The following TNFRSF10D variants were observed in gnomAD, a reference collection of about 807,000 sequenced individuals.
TNFRSF10D encodes tumor necrosis factor receptor superfamily member 10D.
A neutral mutation model predicts 42.1 loss-of-function variants in TNFRSF10D; 28 were observed. The ratio of observed to expected loss-of-function variants is 0.66; its 90% confidence interval spans 0.49 to 0.91. The LOEUF is 0.91. Among genes scored for constraint, TNFRSF10D ranks in the 40% least tolerant of loss-of-function variants. The pLI, the probability that TNFRSF10D is intolerant of heterozygous loss-of-function variation, is 0.00. For synonymous variants in TNFRSF10D, 186 were observed against 189.4 expected (o/e 0.98, Z 0.15); for missense variants, 503 against 486.1 (o/e 1.03, Z -0.33).
At chr8:23,147,113 A>G in intron 3 of TNFRSF10D, 41 bp from the exon 4 acceptor site, 1 of 1,563,328 alleles carries the variant, frequency 6.4e-7, no homozygotes, top group East Asian at 2.2e-5. Flanking sequence ...TGTTTCCCTG[A>G]CATGTCTGTC....
chr8:23,154,546 T>G (rs1271822073), intron 2 of TNFRSF10D, among the ~76,000 whole-genome samples: 2 of 152,238 alleles, frequency 1.3e-5, no homozygotes, highest in Non-Finnish European at 2.9e-5. Context: ...TATTGACATG[T>G]TATCATTTTC....
intron 7 of TNFRSF10D, among the ~76,000 whole-genome samples, chr8:23,141,604 C>T (rs186151908): frequency 1.7e-3 from 256 of 150,692 alleles, no homozygotes; most frequent in African/African-American, 5.4e-3. Context: ...ATTCAGGAGC[C>T]ATATGCAACT....
intron 1 of TNFRSF10D, among the ~76,000 whole-genome samples, chr8:23,159,306 G>A (rs1800329020): frequency 6.6e-6 from 1 of 152,048 alleles, no homozygotes; most frequent in Admixed American, 6.6e-5. Flanking sequence ...AAAACAGCAG[G>A]CGCAATAAGA....
chr8:23,137,067 C>T lies in TNFRSF10D; in HGVS notation c.*803G>A, dbSNP rs1466607146. 6.6e-6 allele frequency: 1 copy of T among 152,108 alleles called. No individual in the cohort carries two copies. Among genetic ancestry groups the T allele is most frequent in the African/African-American group, 2.4e-5 (1 of 41,414 alleles). 9.4% of individuals were successfully genotyped at this position (152,108 alleles called of 1,614,324 possible). A position where few individuals can be genotyped will look rare whatever the true frequency, so the allele number is the denominator to read the frequency against. ...ATTTCCTAAAGTTTTTCCATGTTTA[C>T]ATCATTATACAAAAATCGGAAAAGA... On this transcript the variant is annotated 3_prime_UTR_variant, in exon 9 of 9. Transcript: ENST00000312584.
intron 7 of TNFRSF10D, among the ~76,000 whole-genome samples, chr8:23,144,151 C>T (rs2128836391): frequency 6.6e-6 from 1 of 152,348 alleles, no homozygotes; most frequent in Admixed American, 6.5e-5. Flanking sequence ...TAGGAGCACA[C>T]GATGGAGACT....
chr8:23,144,598 G>A lies in TNFRSF10D; in HGVS notation c.806C>T (p.Pro269Leu). Residue 269 changes from proline (P) to leucine (L), a missense_variant, in exon 7 of 9, where the codon CCT becomes CTT. Physicochemically the swap from Pro to Leu is moderately conservative, Grantham distance 98. Coordinates refer to ENST00000312584, the MANE Select transcript of TNFRSF10D (RefSeq NM_003840.5). ...FRRRSCPSRV[P>L]GAEDNARNET... ...GTTGCGGGCATTGTCCTCCGCCCCA[G>A]GAACTCGTGAAGGACATGAACGCCG... 2 of 1,614,176 alleles carry A rather than the reference G, an allele frequency of 1.2e-6. No homozygotes were observed. The highest frequency in any genetic ancestry group is 2.2e-5 in the East Asian group (1 of 44,880).
At chr8:23,154,327 T>C (rs371597398) in intron 2 of TNFRSF10D, among the ~76,000 whole-genome samples, 909 of 152,200 alleles carry the variant, frequency 6.0e-3, no homozygotes, top group African/African-American at 0.019. Context: ...ATTAAAACAA[T>C]GTGTTGTACA....
At chr8:23,157,420 C>T (rs897544419) in intron 1 of TNFRSF10D, among the ~76,000 whole-genome samples, 2 of 152,236 alleles carry the variant, frequency 1.3e-5, no homozygotes, top group Admixed American at 6.5e-5. Flanking sequence ...CTTCCAGTCT[C>T]GTTTCATTAA....
chr8:23,137,993 C>T lies in TNFRSF10D; in HGVS notation c.1038G>A (p.Leu346=), dbSNP rs771299446. 6.2e-7 allele frequency: 1 copy of T among 1,614,136 alleles called. No homozygotes were observed. The highest frequency in any genetic ancestry group is 1.1e-5 in the South Asian group (1 of 91,076). ...CTTCCAGTGTTGCCGAGGCATCCAG[C>T]AAGGTGCTGACTGAGAAGAGAGAAG... ...NDADSADIST[L]LDASATLEEG... is the part of the protein sequence containing the mutation. The change falls in exon 9 of 9, where the codon TTG becomes TTA. Residue 346 remains leucine, a synonymous_variant. Transcript: ENST00000312584.
At chr8:23,157,520 T>C (rs1800297799) in intron 1 of TNFRSF10D, among the ~76,000 whole-genome samples, 1 of 152,196 alleles carries the variant, frequency 6.6e-6, no homozygotes, top group Non-Finnish European at 1.5e-5. Context: ...CAGTGTTCAG[T>C]GGATGTTCCA....
intron 3 of TNFRSF10D, among the ~76,000 whole-genome samples, chr8:23,147,480 C>T (rs1246730880): frequency 2.6e-5 from 4 of 152,148 alleles, no homozygotes; most frequent in Admixed American, 6.5e-5. Flanking sequence ...GCACAGAGCC[C>T]GGGAGGAGAG....
At chr8:23,160,753 G>T (rs954269536) in intron 1 of TNFRSF10D, among the ~76,000 whole-genome samples, 2 of 152,204 alleles carry the variant, frequency 1.3e-5, no homozygotes, top group African/African-American at 2.4e-5. Flanking sequence ...AACCAGAACT[G>T]GGACCGTGGC....
chr8:23,158,591 C>A (rs111863128), intron 1 of TNFRSF10D, among the ~76,000 whole-genome samples: 942 of 152,222 alleles, frequency 6.2e-3, no homozygotes, highest in African/African-American at 0.019. Context: ...TAGACCTATA[C>A]GTTTACCATT....
rs912218956 is a variant in TNFRSF10D, at chr8:23,137,713, C to T, written c.*157G>A. ...TATTTCATAAAAATTACTCCAAGTG[C>T]GTTAACAAAGTTCTAGGACCATTGG... On this transcript the variant is annotated 3_prime_UTR_variant, in exon 9 of 9. Transcript: ENST00000312584. The T allele has an allele frequency of 1.5e-5, 14 of 908,016 alleles. No homozygotes were observed. Among genetic ancestry groups the T allele is most frequent in the African/African-American group, 5.0e-5 (3 of 60,512 alleles). 56.2% of individuals were successfully genotyped at this position (908,016 alleles called of 1,614,324 possible). A position where few individuals can be genotyped will look rare whatever the true frequency, so the allele number is the denominator to read the frequency against.
At chr8:23,162,927 G>A (rs975359700) in intron 1 of TNFRSF10D, among the ~76,000 whole-genome samples, 2 of 151,590 alleles carry the variant, frequency 1.3e-5, no homozygotes, top group Non-Finnish European at 2.9e-5. Flanking sequence ...TTGTTTGTTT[G>A]TCTGTTTTTG....
chr8:23,140,410 AC>A (rs1563354439), intron 7 of TNFRSF10D, among the ~76,000 whole-genome samples: 14 of 142,952 alleles, frequency 9.8e-5, no homozygotes, highest in African/African-American at 3.4e-4. Flanking sequence ...ACACACACAC[AC>A]ACACACAATA....
chr8:23,154,164 C>G lies in TNFRSF10D; in HGVS notation c.256+710G>C, dbSNP rs111306567. Among the ~76,000 whole-genome samples the G allele has an allele frequency of 8.5e-3, 1,291 of 152,190 alleles. 3 individuals are homozygous for G. The highest frequency in any genetic ancestry group is 0.027 in the African/African-American group (1,132 of 41,482). On this transcript the variant is annotated intron_variant, in intron 2 of 8. Coordinates refer to ENST00000312584, the MANE Select transcript of TNFRSF10D (RefSeq NM_003840.5). Reference sequence around the variant, plus strand: ...ATCTCACATATGTGGAATCTTAAAACTTGATCTCATAGAGGTAGAGAGTAG... The same window carrying G: ...ATCTCACATATGTGGAATCTTAAAAGTTGATCTCATAGAGGTAGAGAGTAG...
At chr8:23,151,308 C>G (rs186179979) in intron 2 of TNFRSF10D, among the ~76,000 whole-genome samples, 115 of 152,044 alleles carry the variant, frequency 7.6e-4, no homozygotes, top group African/African-American at 2.7e-3. Flanking sequence ...GCAAGCCTGT[C>G]CTTTAGAAAT....
rs1297834001 is a variant in TNFRSF10D at position 23,139,167 on chromosome 8, TAC to T, written c.955-909_955-908del. Among the ~76,000 whole-genome samples the T allele has an allele frequency of 5.3e-5, 8 of 151,564 alleles. No individual in the cohort carries two copies. In the East Asian group the frequency reaches 1.4e-3, roughly 26 times the overall value. On this transcript the variant is annotated intron_variant, in intron 7 of 8. Coordinates refer to ENST00000312584, the MANE Select transcript of TNFRSF10D (RefSeq NM_003840.5). ...AATGCAATAAATTAGCAAACAGAAT[TAC>T]AAGGTTATCCAACTCATAATGGATA...
Sources: allele counts gnomAD v4.1 joint callset (sites outside exome capture counted in the v4.1 genomes callset), GRCh38; gene constraint gnomAD v4.1.1; transcripts MANE v1.5; gene names NCBI Gene and HGNC (gene_info 2026-07-23, HGNC 2026-07-21).